GRID2: variants seen among roughly 807,000 people sequenced by gnomAD.
GRID2 encodes the protein glutamate receptor ionotropic, delta-2.
Under a neutral mutation model 114.8 loss-of-function variants are expected in GRID2, and 33 were observed. The observed-to-expected ratio is 0.29, with a 90% CI of 0.22 to 0.38. The LOEUF (loss-of-function observed/expected upper bound fraction) is 0.38, where lower values mean the gene tolerates loss of function less well. Ranked by LOEUF, GRID2 falls within the 10% of genes least tolerant of loss-of-function variation. The pLI is 1.00. For missense variants in GRID2, 1,184 were observed against 1,257.7 expected, an observed-to-expected ratio of 0.94 and a Z score of 0.89; for synonymous variants, 505 against 449.9, an observed-to-expected ratio of 1.12 and a Z score of -1.55.
chr4:92,593,057 A>G lies in GRID2; in HGVS notation c.244+2771A>G, dbSNP rs916222464. ...ACCTTGTCTGTTTTCATTTTTTTAC[A>G]GTCTAAAGAAGGAAAAAAGATTCAA... On this transcript the variant is annotated intron_variant, in intron 2 of 15. Coordinates refer to ENST00000282020, the MANE Select transcript of GRID2 (RefSeq NM_001510.4). 2.6e-5 allele frequency among the ~76,000 whole-genome samples: 4 copies of G among 152,090 alleles called. No homozygotes were observed. In the East Asian group the frequency reaches 5.8e-4, roughly 22 times the overall value.
chr4:93,333,657 G>A (rs1381855516), intron 8 of GRID2, among the ~76,000 whole-genome samples: 2 of 152,126 alleles, frequency 1.3e-5, no homozygotes, highest in Non-Finnish European at 2.9e-5. Flanking sequence ...TGGTTGTAAA[G>A]GCATAGAAGA....
intron 4 of GRID2, among the ~76,000 whole-genome samples, chr4:93,189,882 T>C (rs982530255): frequency 3.6e-4 from 54 of 151,806 alleles, no homozygotes; most frequent in Non-Finnish European, 5.6e-4. Flanking sequence ...CAAAAGTGTG[T>C]ATAAAAAACC....
intron 3 of GRID2, among the ~76,000 whole-genome samples, chr4:93,106,181 C>T (rs911119622): frequency 2.6e-5 from 4 of 152,256 alleles, no homozygotes; most frequent in Non-Finnish European, 5.9e-5. Flanking sequence ...CACACCCACT[C>T]ACCTGGAAGC....
chr4:92,546,564 G>A lies in GRID2; in HGVS notation c.89-43567G>A, dbSNP rs149927820. ...TGCATGTGTGTGTGTGCGCGCGCGTGTGCATGCACCTGCACGTGCACATGT... is the reference window on the plus strand; with the variant it reads ...TGCATGTGTGTGTGTGCGCGCGCGTATGCATGCACCTGCACGTGCACATGT... On this transcript the variant is annotated intron_variant, in intron 1 of 15. Coordinates refer to ENST00000282020, the MANE Select transcript of GRID2 (RefSeq NM_001510.4). 2.0e-3 allele frequency among the ~76,000 whole-genome samples: 299 copies of A among 152,284 alleles called. 1 individual carries two copies. Among genetic ancestry groups the A allele is most frequent in the African/African-American group, 6.6e-3 (273 of 41,566 alleles).
intron 2 of GRID2, among the ~76,000 whole-genome samples, chr4:92,879,914 A>G (rs901095360): frequency 1.1e-4 from 17 of 152,360 alleles, no homozygotes; most frequent in Middle Eastern, 3.4e-3. Flanking sequence ...AATGAATCCA[A>G]TTGGAATCCA....
At position 92,671,702 on chromosome 4, in the gene GRID2, C is replaced by A. The variant is rs189501393; in HGVS notation, c.244+81416C>A. Among the ~76,000 whole-genome samples the A allele has an allele frequency of 8.0e-4, 122 of 152,122 alleles. 2 individuals carry two copies. The East Asian group carries it at 0.017, about 21-fold the overall frequency. On this transcript the variant is annotated intron_variant, in intron 2 of 15. Coordinates refer to ENST00000282020, the MANE Select transcript of GRID2 (RefSeq NM_001510.4). ...AAAGTAGTCTAGGGAGGCAAATGTA[C>A]AATGTACTGGATAGTGAGAAGCAAG...
At chr4:92,467,815 GA>G (rs1312716989) in intron 1 of GRID2, among the ~76,000 whole-genome samples, 1 of 151,974 alleles carries the variant, frequency 6.6e-6, no homozygotes, top group African/African-American at 2.4e-5. Context: ...ACAAAGAGGG[GA>G]TATAGAAAAT....
At chr4:93,373,405 CA>C (rs2149295778) in intron 8 of GRID2, among the ~76,000 whole-genome samples, 1 of 152,096 alleles carries the variant, frequency 6.6e-6, no homozygotes, top group African/African-American at 2.4e-5. Context: ...CTTCATATTA[CA>C]ATATAGTGAC....
chr4:93,114,982 G>A (rs1482835428), intron 4 of GRID2, among the ~76,000 whole-genome samples: 1 of 152,048 alleles, frequency 6.6e-6, no homozygotes, highest in Non-Finnish European at 1.5e-5. Flanking sequence ...CTTAGCCAGA[G>A]TCAGAACAAA....
intron 1 of GRID2, among the ~76,000 whole-genome samples, chr4:92,308,697 A>G (rs7692631): frequency 0.1 from 15,558 of 152,120 alleles, 1,944 homozygotes; most frequent in African/African-American, 0.3. Context: ...TGACAATTAC[A>G]GCATATAAAA....
At chr4:93,398,030 T>C (rs1420749864) in intron 9 of GRID2, among the ~76,000 whole-genome samples, 3 of 151,204 alleles carry the variant, frequency 2.0e-5, no homozygotes, top group African/African-American at 7.3e-5. Flanking sequence ...GCATGTATTG[T>C]CTTATTTTGT....
intron 4 of GRID2, among the ~76,000 whole-genome samples, chr4:93,202,710 A>G (rs1376241078): frequency 6.6e-6 from 1 of 151,950 alleles, no homozygotes; most frequent in African/African-American, 2.4e-5. Context: ...TTGATTTGGG[A>G]TTTATAATAG....
chr4:92,928,093 C>G (rs748040980), intron 2 of GRID2, among the ~76,000 whole-genome samples: 2 of 151,572 alleles, frequency 1.3e-5, no homozygotes, highest in Admixed American at 1.3e-4. Flanking sequence ...TGCTTTGTTT[C>G]CAAGACTAAG....
chr4:93,433,607 T>C lies in GRID2; in HGVS notation c.1545+10639T>C, dbSNP rs565497243. Among the ~76,000 whole-genome samples the C allele has an allele frequency of 2.0e-5, 3 of 152,264 alleles. No homozygotes were observed. The East Asian group carries it at 5.8e-4, about 29-fold the overall frequency. ...AGCCATGCTCAAGCTCTTGCTCTTT[T>C]TCTATGCCTCCTGTGCTCATCCCCA... On this transcript the variant is annotated intron_variant, in intron 10 of 15. Coordinates refer to ENST00000282020, the MANE Select transcript of GRID2 (RefSeq NM_001510.4).
At chr4:93,645,071 A>T (rs934484134) in intron 14 of GRID2, among the ~76,000 whole-genome samples, 1 of 152,170 alleles carries the variant, frequency 6.6e-6, no homozygotes, top group Non-Finnish European at 1.5e-5. Flanking sequence ...GAGTGAAAAA[A>T]TTCATGAATG....
chr4:93,590,114 A>T (rs1160045718), intron 13 of GRID2, among the ~76,000 whole-genome samples: 1 of 150,178 alleles, frequency 6.7e-6, no homozygotes, highest in Non-Finnish European at 1.5e-5. Flanking sequence ...TGTTTTAGAC[A>T]TGAAGTCCTT....
At chr4:92,704,372 C>T (rs1734837857) in intron 2 of GRID2, among the ~76,000 whole-genome samples, 1 of 152,104 alleles carries the variant, frequency 6.6e-6, no homozygotes, top group African/African-American at 2.4e-5. Flanking sequence ...CATTACTTCC[C>T]TAGTTGTTAT....
At chr4:92,458,920 G>A (rs1346969961) in intron 1 of GRID2, among the ~76,000 whole-genome samples, 1 of 152,150 alleles carries the variant, frequency 6.6e-6, no homozygotes, top group Non-Finnish European at 1.5e-5. Flanking sequence ...ATTCTTCCAT[G>A]CTCTGAGCAG....
intron 2 of GRID2, among the ~76,000 whole-genome samples, chr4:93,037,888 T>C (rs1350795172): frequency 6.6e-6 from 1 of 152,226 alleles, no homozygotes; most frequent in Admixed American, 6.5e-5. Flanking sequence ...TCCAGCTTTC[T>C]TCTTTTTTAT....
Sources: allele counts gnomAD v4.1 joint callset (sites outside exome capture counted in the v4.1 genomes callset), GRCh38; gene constraint gnomAD v4.1.1; transcripts MANE v1.5; gene names NCBI Gene and HGNC (gene_info 2026-07-23, HGNC 2026-07-21).